The following RFX7 variants were observed in gnomAD, a reference collection of about 807,000 sequenced individuals.
RFX7 encodes the protein regulatory factor X7, also known as DNA-binding protein RFX7.
A neutral mutation model predicts 111.8 loss-of-function variants in RFX7; 26 were observed. The ratio of observed to expected loss-of-function variants is 0.23; its 90% CI spans 0.17 to 0.32. The LOEUF (loss-of-function observed/expected upper bound fraction) is 0.32, where lower values mean the gene tolerates loss of function less well. Among genes scored for constraint, RFX7 ranks in the 10% least tolerant of loss-of-function variants. The pLI is 1.00. For synonymous variants in RFX7, 624 were observed against 624.4 expected (o/e 1.00, Z 0.01); for missense variants, 1,573 against 1,772.9 (o/e 0.89, Z 2.02).
intron 5 of RFX7, among the ~76,000 whole-genome samples, chr15:56,115,123 C>T (rs1465510629): frequency 2.0e-5 from 3 of 152,152 alleles, no homozygotes; most frequent in Non-Finnish European, 2.9e-5. Flanking sequence ...AATTCTCCTG[C>T]CTCAGCCTCC....
rs149065604 is a variant in RFX7 at position 56,093,672 on chromosome 15, G to A, written c.4056C>T (p.Asp1352=). The change falls in exon 10 of 10, where the codon GAC becomes GAT. Residue 1352 remains aspartate, a synonymous_variant. Transcript: ENST00000559447. The part of the protein sequence containing the change: ...QQLDFNSTVK[D]LLSGDSLQTN... ...TTTGCAAGCTGTCTCCACTCAACAGGTCTTTAACAGTGCTATTGAAATCTA... is the reference window on the plus strand; with the variant it reads ...TTTGCAAGCTGTCTCCACTCAACAGATCTTTAACAGTGCTATTGAAATCTA... 1.9e-6 allele frequency: 3 copies of A among 1,613,858 alleles called. No individual in the cohort carries two copies. The highest frequency in any genetic ancestry group is 2.2e-5 in the East Asian group (1 of 44,878).
At chr15:56,195,091 G>GT (rs1247879237) in intron 2 of RFX7, among the ~76,000 whole-genome samples, 4 of 152,076 alleles carry the variant, frequency 2.6e-5, no homozygotes, top group African/African-American at 9.7e-5. Flanking sequence ...AAGGAATGCA[G>GT]TATCAACAAA....
At chr15:56,212,893 A>T (rs570654234) in intron 2 of RFX7, among the ~76,000 whole-genome samples, 1 of 152,312 alleles carries the variant, frequency 6.6e-6, no homozygotes, top group East Asian at 1.9e-4. Flanking sequence ...TGTTTGTATA[A>T]ATGGTAAACA....
rs978912836 is a variant in RFX7, at chr15:56,209,736, C to T, written c.162-30433G>A. On this transcript the variant is annotated intron_variant, in intron 2 of 9. Transcript: ENST00000559447. ...TCACAGTACCTGTGAAGCAGTATGA[C>T]GTTAACTAAAAGTGGACCTGGATTA... Among the ~76,000 whole-genome samples the T allele has an allele frequency of 7.2e-5, 11 of 151,812 alleles. 1 individual carries two copies. The highest frequency in any genetic ancestry group is 6.6e-4 in the Admixed American group (10 of 15,238).
Position 56,087,922 on chromosome 15 carries a change from C to A in RFX7, c.*5423G>T. 2 of 328,220 alleles carry A rather than the reference C, an allele frequency of 6.1e-6. No homozygotes were observed. The highest frequency in any genetic ancestry group is 5.9e-6 in the Non-Finnish European group (1 of 168,692). The allele number at this position is 328,220 out of a possible 1,614,324, so 20.3% of individuals were successfully genotyped here. A position where few individuals can be genotyped will look rare whatever the true frequency, so the allele number is the denominator to read the frequency against. ...CTAGAGTATACCTGTATGAAATATG[C>A]TTGAAAAGCTGTGTGGAAAACAAAA... On this transcript the variant is annotated 3_prime_UTR_variant, in exon 10 of 10. Transcript: ENST00000559447.
rs531513767 is a variant in RFX7, at chr15:56,127,768, G to A, written c.401+15010C>T. Among the ~76,000 whole-genome samples, 25 of 151,716 alleles carry A rather than the reference G, an allele frequency of 1.6e-4. No individual in the cohort carries two copies. In the East Asian group the frequency reaches 3.3e-3, roughly 20 times the overall value. ...TCACCGTGTTAGCCAGGATGGTCTC[G>A]ATCTCCTGACCTCGTGATCTGCCCG... On this transcript the variant is annotated intron_variant, in intron 5 of 9. Coordinates refer to ENST00000559447, the MANE Select transcript of RFX7 (RefSeq NM_022841.7).
intron 5 of RFX7, among the ~76,000 whole-genome samples, chr15:56,116,848 A>AATTGTACAAACATTGTACAGTTGTACC (rs2042015075): frequency 6.6e-6 from 1 of 151,344 alleles, no homozygotes; most frequent in East Asian, 1.9e-4. Context: ...ACAGTTGTAC[A>AATTGTACAAACATTGTACAGTTGTACC]AATTGTACAA....
chr15:56,175,087 GC>G, intron 3 of RFX7, among the ~76,000 whole-genome samples: 1 of 152,154 alleles, frequency 6.6e-6, no homozygotes, highest in Non-Finnish European at 1.5e-5. Context: ...CTACATAAAA[GC>G]TACTAGATTT....
intron 5 of RFX7, among the ~76,000 whole-genome samples, chr15:56,125,889 T>C (rs2042138448): frequency 6.6e-6 from 1 of 152,148 alleles, no homozygotes; most frequent in East Asian, 1.9e-4. Context: ...GTATAAGTCC[T>C]CCTTCCCCTG....
intron 5 of RFX7, among the ~76,000 whole-genome samples, chr15:56,124,812 C>A (rs1462616575): frequency 6.6e-6 from 1 of 152,120 alleles, no homozygotes; most frequent in Non-Finnish European, 1.5e-5. Flanking sequence ...TGTAAGTTTT[C>A]TTTTCATTGT....
At chr15:56,209,477 A>T (rs2043288986) in intron 2 of RFX7, among the ~76,000 whole-genome samples, 1 of 152,120 alleles carries the variant, frequency 6.6e-6, no homozygotes, top group Admixed American at 6.6e-5. Context: ...AAATCTGTGT[A>T]AATAAGGAAA....
Position 56,087,803 on chromosome 15 carries a change from G to A in RFX7, c.*5542C>T. On this transcript the variant is annotated 3_prime_UTR_variant, in exon 10 of 10. Transcript: ENST00000559447. ...GGTGTCTTCTCTAGCACCTTGTACA[G>A]AGACTGACATATTTTAGGCACTTTA... The A allele has an allele frequency of 3.2e-6, 1 of 315,768 alleles. No homozygotes were observed. The highest frequency in any genetic ancestry group is 6.3e-6 in the Non-Finnish European group (1 of 159,508). The allele number at this position is 315,768 out of a possible 1,614,324, so 19.6% of individuals were successfully genotyped here.
At chr15:56,181,415 T>C (rs2042972103) in intron 2 of RFX7, among the ~76,000 whole-genome samples, 1 of 152,240 alleles carries the variant, frequency 6.6e-6, no homozygotes, top group African/African-American at 2.4e-5. Context: ...ATCATTGCAC[T>C]TATCACCAGT....
chr15:56,153,641 C>G (rs2042607880), intron 3 of RFX7, among the ~76,000 whole-genome samples: 1 of 152,148 alleles, frequency 6.6e-6, no homozygotes, highest in Non-Finnish European at 1.5e-5. Flanking sequence ...TGGAACTTAT[C>G]TCAAAATAAT....
At chr15:56,147,882 T>C (rs375016395) in intron 3 of RFX7, among the ~76,000 whole-genome samples, 1 of 152,242 alleles carries the variant, frequency 6.6e-6, no homozygotes, top group East Asian at 1.9e-4. Flanking sequence ...CTAAAAACTC[T>C]AATTTTTAAC....
chr15:56,135,871 G>A (rs2042294661), intron 5 of RFX7, among the ~76,000 whole-genome samples: 1 of 152,036 alleles, frequency 6.6e-6, no homozygotes, highest in South Asian at 2.1e-4. Context: ...ATTAAATAGG[G>A]AATCCTTTCC....
chr15:56,176,868 T>C (rs1424123286), intron 3 of RFX7, among the ~76,000 whole-genome samples: 1 of 151,966 alleles, frequency 6.6e-6, no homozygotes, highest in Non-Finnish European at 1.5e-5. Context: ...ACTTCTGCAA[T>C]AGCCTAACTA....
chr15:56,185,244 T>C (rs541535992), intron 2 of RFX7, among the ~76,000 whole-genome samples: 59 of 152,304 alleles, frequency 3.9e-4, no homozygotes, highest in Middle Eastern at 3.4e-3. Context: ...TTTTAAACTA[T>C]CTACTACTCA....
chr15:56,142,911 G>A lies in RFX7; in HGVS notation c.279-11C>T. On this transcript the variant is annotated splice_polypyrimidine_tract_variant and intron_variant, in intron 4 of 9. Transcript: ENST00000559447. ...ATGGCATTCTGATCACTAATAGAAT[G>A]AAAACATGTTTTAGCTGACCAGACA... 2 of 1,612,396 alleles carry A rather than the reference G, an allele frequency of 1.2e-6. No individual in the cohort carries two copies. Among genetic ancestry groups the A allele is most frequent in the South Asian group, 2.2e-5 (2 of 90,722 alleles).
Sources: gnomAD v4.1 joint callset for allele counts (sites outside exome capture counted in the v4.1 genomes callset) on GRCh38, gnomAD v4.1.1 for gene constraint, MANE v1.5 for transcripts, NCBI Gene and HGNC (gene_info 2026-07-23, HGNC 2026-07-21) for gene names.